TRIM24: variants seen among roughly 807,000 people sequenced by gnomAD.
TRIM24 encodes tripartite motif containing 24.
TRIM24 carries 29 observed loss-of-function variants against 123.9 expected under a neutral mutation model. That is an observed-to-expected ratio of 0.23 (90% CI 0.17 to 0.32). The LOEUF (loss-of-function observed/expected upper bound fraction) is 0.32, where lower values mean the gene tolerates loss of function less well. Ranked by LOEUF, TRIM24 falls within the 10% of genes least tolerant of loss-of-function variation. The pLI is 1.00. For missense variants in TRIM24, 932 were observed against 1,295.3 expected (o/e 0.72, Z 4.31); for synonymous variants, 456 against 461.1 (o/e 0.99, Z 0.14).
In TRIM24 at chr7:138,584,905, G is replaced by T. The variant is rs746987506; in HGVS notation, c.3107G>T (p.Arg1036Leu). 1 of 1,613,192 alleles carries T rather than the reference G, an allele frequency of 6.2e-7. No individual in the cohort carries two copies. Among genetic ancestry groups the T allele is most frequent in the Non-Finnish European group, 8.5e-7 (1 of 1,179,690 alleles). The change falls in exon 19 of 19, where the codon CGG becomes CTG. Residue 1036 changes from arginine (R) to leucine (L), a missense_variant. Arg to Leu is a moderately radical substitution (Grantham distance 102, BLOSUM62 -2). Around this residue, in one of 7 missense-constraint regions of TRIM24, gnomAD observed 104 missense variants for 121.5 expected, o/e 0.86. Coordinates refer to ENST00000343526, the MANE Select transcript of TRIM24 (RefSeq NM_015905.3). The part of the protein sequence containing the change: ...DDSDDDFVQP[R>L]KKRLKSIEER... ...TCAGATGATGACTTTGTACAGCCCC[G>T]GAAGAAACGCCTCAAAAGCATTGAA...
At chr7:138,468,546 G>A (rs1276604328) in intron 1 of TRIM24, among the ~76,000 whole-genome samples, 3 of 151,804 alleles carry the variant, frequency 2.0e-5, no homozygotes, top group South Asian at 2.1e-4. Flanking sequence ...CGTAGATAGC[G>A]TATAGTTGTC....
chr7:138,514,129 T>C (rs1291639620), intron 2 of TRIM24, among the ~76,000 whole-genome samples: 1 of 152,214 alleles, frequency 6.6e-6, no homozygotes, highest in Non-Finnish European at 1.5e-5. Context: ...TAGATTTTGG[T>C]TTATGGACAT....
chr7:138,486,638 G>C (rs1006616068), intron 1 of TRIM24, among the ~76,000 whole-genome samples: 1 of 152,182 alleles, frequency 6.6e-6, no homozygotes, highest in African/African-American at 2.4e-5. Context: ...TCGAAGATCA[G>C]ATGGTTATAG....
chr7:138,503,289 A>G (rs1300038502), intron 1 of TRIM24, among the ~76,000 whole-genome samples: 2 of 152,108 alleles, frequency 1.3e-5, no homozygotes, highest in Non-Finnish European at 2.9e-5. Context: ...GAATCTATAG[A>G]TATGTTTGTG....
chr7:138,519,040 A>T (rs1460460805), intron 3 of TRIM24, 149 bp from the exon 4 acceptor site: 1 of 846,490 alleles, frequency 1.2e-6, no homozygotes, highest in Non-Finnish European at 1.8e-6. Context: ...ATATCTTAAT[A>T]TCTGTAATTC....
At chr7:138,476,627 G>A (rs190374920) in intron 1 of TRIM24, among the ~76,000 whole-genome samples, 68 of 151,692 alleles carry the variant, frequency 4.5e-4, no homozygotes, top group African/African-American at 1.6e-3. Context: ...CCCCAAAATA[G>A]GTACAGCATT....
At chr7:138,571,184 A>G (rs1006685134) in intron 11 of TRIM24, among the ~76,000 whole-genome samples, 181 bp downstream of exon 11, 4 of 152,088 alleles carry the variant, frequency 2.6e-5, no homozygotes, top group African/African-American at 9.7e-5. Flanking sequence ...TACAAAAATT[A>G]ACCAGGCATG....
At chr7:138,489,126 C>G (rs1360795398) in intron 1 of TRIM24, among the ~76,000 whole-genome samples, 2 of 152,080 alleles carry the variant, frequency 1.3e-5, no homozygotes, top group Non-Finnish European at 2.9e-5. Context: ...CTCCTTTGAT[C>G]TTTGTTGGTT....
At position 138,584,831 on chromosome 7, in the gene TRIM24, C is replaced by A; in HGVS notation, c.3033C>A (p.Pro1011=). The A allele has an allele frequency of 1.2e-6, 2 of 1,613,440 alleles. No homozygotes were observed. Among genetic ancestry groups the A allele is most frequent in the Middle Eastern group, 1.7e-4 (1 of 6,060 alleles). The change falls in exon 19 of 19, where the codon CCC becomes CCA. Residue 1011 remains proline (P), a synonymous_variant. Coordinates refer to ENST00000343526, the MANE Select transcript of TRIM24 (RefSeq NM_015905.3). Reference sequence around the variant, plus strand: ...ACCTCTATCCAGAAAAAAGGTTTCCCAAACCAGAATTCAGGAATGAATCAG... The same window carrying A: ...ACCTCTATCCAGAAAAAAGGTTTCCAAAACCAGAATTCAGGAATGAATCAG... ...LKNLYPEKRF[P]KPEFRNESED...
intron 9 of TRIM24, among the ~76,000 whole-genome samples, chr7:138,564,906 C>T (rs779761931): frequency 1.3e-5 from 2 of 152,124 alleles, no homozygotes; most frequent in East Asian, 3.9e-4. Context: ...CCAGTTACAG[C>T]GCAACACACT....
intron 16 of TRIM24, 68 bp downstream of exon 16, chr7:138,580,762 G>A: frequency 1.4e-6 from 2 of 1,470,742 alleles, no homozygotes. Flanking sequence ...TTTTGTCAAA[G>A]AGGTGTATAT....
chr7:138,578,566 G>GCA (rs1247330937), intron 14 of TRIM24, among the ~76,000 whole-genome samples: 2 of 132,086 alleles, frequency 1.5e-5, no homozygotes. Context: ...GTGTGTGTGC[G>GCA]CGCACGCACG....
At chr7:138,556,034 T>A (rs553584503) in intron 9 of TRIM24, among the ~76,000 whole-genome samples, 2 of 152,254 alleles carry the variant, frequency 1.3e-5, no homozygotes, top group East Asian at 3.9e-4. Flanking sequence ...ACCTTTATTC[T>A]CCCTTAAGGA....
intron 12 of TRIM24, among the ~76,000 whole-genome samples, chr7:138,575,590 C>T (rs976922011): frequency 2.7e-5 from 4 of 150,756 alleles, no homozygotes; most frequent in African/African-American, 9.8e-5. Flanking sequence ...TCCTGTTGTT[C>T]ATCAAACCTT....
intron 9 of TRIM24, among the ~76,000 whole-genome samples, chr7:138,555,539 A>G (rs898892089): frequency 2.7e-5 from 4 of 150,008 alleles, no homozygotes; most frequent in Non-Finnish European, 5.9e-5. Flanking sequence ...CTGGAGTGCA[A>G]TGACACGATC....
At chr7:138,533,020 T>C (rs1584723634) in intron 6 of TRIM24, among the ~76,000 whole-genome samples, 1 of 152,214 alleles carries the variant, frequency 6.6e-6, no homozygotes, top group Non-Finnish European at 1.5e-5. Context: ...TGTTTGTCTG[T>C]TATTGGTGTA....
intron 5 of TRIM24, among the ~76,000 whole-genome samples, chr7:138,527,808 T>A (rs1204057696): frequency 6.6e-6 from 1 of 152,172 alleles, no homozygotes; most frequent in East Asian, 1.9e-4. Context: ...GAGAGACCAG[T>A]AGGTGAAACA....
intron 5 of TRIM24, among the ~76,000 whole-genome samples, chr7:138,528,508 A>C (rs1205334090): frequency 1.3e-5 from 2 of 151,892 alleles, no homozygotes; most frequent in Non-Finnish European, 2.9e-5. Flanking sequence ...TTCTCTTTTT[A>C]ATTTTATTTT....
chr7:138,551,220 G>A, intron 8 of TRIM24, 40 bp downstream of exon 8: 2 of 1,515,596 alleles, frequency 1.3e-6, no homozygotes, highest in Non-Finnish European at 1.8e-6. Flanking sequence ...AGTGGCATTT[G>A]TCTGTAAAAC....
Sources: gnomAD v4.1 joint callset for allele counts (sites outside exome capture counted in the v4.1 genomes callset) on GRCh38, gnomAD v4.1.1 for gene constraint, gnomAD v4.1.1 regional missense constraint, MANE v1.5 for transcripts, NCBI Gene and HGNC (gene_info 2026-07-23, HGNC 2026-07-21) for gene names.